Variants in PRKD3 observed in about 807,000 individuals in gnomAD.
PRKD3 encodes the protein serine/threonine-protein kinase D3.
In PRKD3, 47 loss-of-function variants were observed where a neutral mutation model predicts 99.2. The observed-to-expected ratio is 0.47, with a 90% CI of 0.38 to 0.60. The LOEUF is 0.60. Ranked by LOEUF, PRKD3 falls within the 20% of genes least tolerant of loss-of-function variation. PRKD3 has a pLI of 0.00. For synonymous variants in PRKD3, 392 were observed against 355.4 expected, an observed-to-expected ratio of 1.10 and a Z score of -1.16; for missense variants, 1,019 against 1,088.4, an observed-to-expected ratio of 0.94 and a Z score of 0.90.
chr2:37,320,301 A>G (rs568944483), intron 1 of PRKD3, among the ~76,000 whole-genome samples: 1 of 152,324 alleles, frequency 6.6e-6, no homozygotes, highest in Admixed American at 6.5e-5. Flanking sequence ...CTAACAATGG[A>G]ACAGGTTGTC....
chr2:37,260,330 G>A lies in PRKD3; in HGVS notation c.1939C>T (p.Arg647Ter). The A allele has an allele frequency of 6.2e-7, 1 of 1,609,786 alleles. No homozygotes were observed. Among genetic ancestry groups the A allele is most frequent in the Non-Finnish European group, 8.5e-7 (1 of 1,176,278 alleles). ...AGCTTTTCCATTACTACAAAGACTC[G>A]TTCTGGGGTTTCAAACATACATTCC... is the stretch of plus-strand genomic sequence containing the variant. The part of the protein sequence containing the change: ...NLECMFETPE[R>*]VFVVMEKLHG... The change falls in exon 15 of 19, where the codon CGA (arginine) becomes TGA (stop). Residue 647 changes from arginine (R) to a stop codon, truncating the protein, a stop_gained. Transcript: ENST00000234179. LOFTEE classifies it high-confidence loss of function.
intron 15 of PRKD3, 93 bp downstream of exon 15, chr2:37,260,130 C>G: frequency 8.2e-7 from 1 of 1,212,254 alleles, no homozygotes; most frequent in Non-Finnish European, 1.1e-6. Context: ...CACCACTGCA[C>G]TCCAGCCCAG....
chr2:37,321,569 GTACTTATTAT>G (rs1671884962), intron 1 of PRKD3, among the ~76,000 whole-genome samples: 1 of 152,112 alleles, frequency 6.6e-6, no homozygotes, highest in Non-Finnish European at 1.5e-5. Context: ...TACTTAATTA[GTACTTATTAT>G]TTCCCAGACT....
intron 16 of PRKD3, 119 bp from the exon 17 acceptor site, chr2:37,257,048 A>C: frequency 9.1e-7 from 1 of 1,101,006 alleles, no homozygotes; most frequent in Non-Finnish European, 1.3e-6. Context: ...CTGATTATGA[A>C]TATTAATCAC....
Position 37,277,929 on chromosome 2 carries a change from CTT to C in PRKD3, c.1231_1232del (p.Lys411GlufsTer20). On this transcript the variant is annotated frameshift_variant, in exon 9 of 19. Transcript: ENST00000234179. LOFTEE classifies it high-confidence loss of function. ...MRVVQSIKHT[K>X]RKSSTMVKEG... ...CCTTCACCATTGTGCTGCTCTTCCT[CTT>C]TGTGTGCTTGATGGATTGTACAACC... The C allele has an allele frequency of 6.2e-7, 1 of 1,613,144 alleles. No individual in the cohort carries two copies. Among genetic ancestry groups the C allele is most frequent in the Non-Finnish European group, 8.5e-7 (1 of 1,179,264 alleles).
At chr2:37,267,818 G>C (rs980071174) in intron 13 of PRKD3, 1 of 334,576 alleles carries the variant, frequency 3.0e-6, no homozygotes, top group African/African-American at 2.2e-5. Context: ...ATCAATGATA[G>C]TTAATTACCC....
intron 2 of PRKD3, among the ~76,000 whole-genome samples, chr2:37,299,107 G>C (rs774255333): frequency 2.6e-5 from 4 of 152,112 alleles, no homozygotes; most frequent in Non-Finnish European, 5.9e-5. Flanking sequence ...TCTATACCTA[G>C]TTTGTTGACA....
intron 2 of PRKD3, among the ~76,000 whole-genome samples, chr2:37,302,537 A>G (rs913248189): frequency 6.6e-6 from 1 of 152,242 alleles, no homozygotes; most frequent in African/African-American, 2.4e-5. Flanking sequence ...TTTAAGCAAC[A>G]CTTATTTTGA....
intron 12 of PRKD3, 23 bp from the exon 13 acceptor site, chr2:37,269,710 T>C: frequency 6.6e-7 from 1 of 1,514,658 alleles, no homozygotes; most frequent in African/African-American, 1.4e-5. Context: ...AGTAAGGAGT[T>C]AGTATTATTT....
intron 9 of PRKD3, among the ~76,000 whole-genome samples, chr2:37,276,809 CACATATATAT>C (rs1322967036): frequency 3.7e-5 from 5 of 133,964 alleles, no homozygotes; most frequent in African/African-American, 1.4e-4. Flanking sequence ...CACACACATA[CACATATATAT>C]ACATATATAT....
intron 3 of PRKD3, among the ~76,000 whole-genome samples, chr2:37,291,251 A>C (rs1670408682): frequency 6.6e-6 from 1 of 152,232 alleles, no homozygotes; most frequent in Non-Finnish European, 1.5e-5. Flanking sequence ...ATTTTCTCAT[A>C]ATGACAAGAT....
chr2:37,268,461 G>A, intron 13 of PRKD3: 4 of 407,266 alleles, frequency 9.8e-6, no homozygotes, highest in Non-Finnish European at 2.0e-5. Flanking sequence ...CTAGGTGCTA[G>A]GAATACAAAG....
chr2:37,299,381 G>A (rs1418384225), intron 2 of PRKD3, among the ~76,000 whole-genome samples: 1 of 151,986 alleles, frequency 6.6e-6, no homozygotes, highest in East Asian at 1.9e-4. Context: ...GTCACATCAA[G>A]CTAAAAAGTC....
chr2:37,320,092 G>A (rs1170275354), intron 1 of PRKD3, among the ~76,000 whole-genome samples: 1 of 152,216 alleles, frequency 6.6e-6, no homozygotes, highest in Non-Finnish European at 1.5e-5. Context: ...AACACATAAA[G>A]TGAGATATGA....
In PRKD3 at chr2:37,279,825, G is replaced by T. The variant is rs748607140; in HGVS notation, c.1093C>A (p.Pro365Thr). ...RGLDDTEEPS[P>T]PEDKMFFLDP... Reference sequence around the variant, plus strand: ...AAGAAGAACATCTTATCTTCTGGGGGTGATGGCTCTTCTGTGTCATCCAAA... The same window carrying T: ...AAGAAGAACATCTTATCTTCTGGGGTTGATGGCTCTTCTGTGTCATCCAAA... Residue 365 changes from proline to threonine, a missense_variant, in exon 8 of 19, where the codon CCC becomes ACC. Pro to Thr is a conservative substitution (Grantham distance 38). Around this residue, in one of 3 missense-constraint regions of PRKD3, gnomAD observed 710 missense variants for 692.7 expected, o/e 1.02. Transcript: ENST00000234179. 6.2e-7 allele frequency: 1 copy of T among 1,613,720 alleles called. No homozygotes were observed. The highest frequency in any genetic ancestry group is 1.1e-5 in the South Asian group (1 of 91,046).
intron 15 of PRKD3, 32 bp downstream of exon 15, chr2:37,260,191 G>T (rs1291663783): frequency 6.5e-7 from 1 of 1,548,034 alleles, no homozygotes; most frequent in Non-Finnish European, 8.8e-7. Context: ...GTTTTTAATC[G>T]CTAGTTTAAA....
Position 37,252,851 on chromosome 2 carries a change from A to G in PRKD3, c.*326T>C, listed in dbSNP as rs796675731. ...CAAACAAACATATATTTATATTTAT[A>G]TATATATATATAAAGAGAAATGGGA... On this transcript the variant is annotated 3_prime_UTR_variant, in exon 19 of 19. Transcript: ENST00000234179. 1 of 145,000 alleles carries G rather than the reference A, an allele frequency of 6.9e-6. No individual in the cohort carries two copies. Among genetic ancestry groups the G allele is most frequent in the African/African-American group, 2.5e-5 (1 of 40,030 alleles). 9.0% of individuals were successfully genotyped at this position (145,000 alleles called of 1,614,324 possible). A position where few individuals can be genotyped will look rare whatever the true frequency, so the allele number is the denominator to read the frequency against.
intron 3 of PRKD3, among the ~76,000 whole-genome samples, chr2:37,292,350 C>CT (rs987226119): frequency 0.06 from 8,612 of 142,982 alleles, 305 homozygotes; most frequent in Middle Eastern, 0.091. Flanking sequence ...TGATTTTTTC[C>CT]TTTTTTTTTT....
At chr2:37,257,048 A>G (rs971971634) in intron 16 of PRKD3, 119 bp from the exon 17 acceptor site, 2 of 1,100,888 alleles carry the variant, frequency 1.8e-6, no homozygotes, top group Admixed American at 4.4e-5. Flanking sequence ...CTGATTATGA[A>G]TATTAATCAC....
Sources: allele counts gnomAD v4.1 joint callset (sites outside exome capture counted in the v4.1 genomes callset), GRCh38; gene constraint gnomAD v4.1.1; regional missense constraint gnomAD v4.1.1; transcripts MANE v1.5; gene names NCBI Gene and HGNC (gene_info 2026-07-23, HGNC 2026-07-21).